RGS22: variants seen among roughly 807,000 people sequenced by gnomAD.
The protein encoded by RGS22 is regulator of G protein signaling 22.
In RGS22, 148 loss-of-function variants were observed where a neutral mutation model predicts 172.9. That is an observed-to-expected ratio of 0.86 (90% confidence interval 0.75 to 0.98). The LOEUF is 0.98. Ranked by LOEUF, RGS22 falls within the 50% of genes least tolerant of loss-of-function variation. RGS22 has a pLI of 0.00. For synonymous variants in RGS22, 458 were observed against 480.2 expected (o/e 0.95, Z 0.60); for missense variants, 1,347 against 1,440.8 (o/e 0.93, Z 1.05).
Position 100,082,002 on chromosome 8 carries a change from T to C in RGS22, c.118-1647A>G, listed in dbSNP as rs1811799461. ...TCCAACGCAAAGAATGTTAACTAGT[T>C]AGTTCAATGGATAAATAAAACATTT... On this transcript the variant is annotated intron_variant, in intron 3 of 27. Transcript: ENST00000360863. Among the ~76,000 whole-genome samples the C allele has an allele frequency of 2.6e-5, 4 of 151,960 alleles. No homozygotes were observed. In the South Asian group the frequency reaches 8.3e-4, roughly 32 times the overall value.
At position 100,001,204 on chromosome 8, in the gene RGS22, A is replaced by ATATATATATATG. The variant is rs1264992859; in HGVS notation, c.2790+997_2790+998insCATATATATATA. Among the ~76,000 whole-genome samples the ATATATATATATG allele has an allele frequency of 7.1e-3, 950 of 133,416 alleles. 15 individuals are homozygous for ATATATATATATG. The highest frequency in any genetic ancestry group is 0.026 in the African/African-American group (906 of 35,254). 87.5% of individuals were successfully genotyped at this position (133,416 alleles called of 152,430 possible). ...ACCTACCGCTGAATCCCAATTTTTT[A>ATATATATATATG]TATATATATATATATACATATATAT... On this transcript the variant is annotated intron_variant, in intron 18 of 27. Transcript: ENST00000360863.
At chr8:100,036,691 TG>T (rs537224247) in intron 14 of RGS22, among the ~76,000 whole-genome samples, 1 of 152,288 alleles carries the variant, frequency 6.6e-6, no homozygotes, top group South Asian at 2.1e-4. Flanking sequence ...CTTGAACTCC[TG>T]GGCTCAAGCG....
chr8:100,033,697 A>T (rs1819108931), intron 14 of RGS22, among the ~76,000 whole-genome samples: 1 of 151,728 alleles, frequency 6.6e-6, no homozygotes, highest in Non-Finnish European at 1.5e-5. Context: ...CTCTGACATC[A>T]ATGCGAAAAT....
rs75330957 is a variant in RGS22 at position 99,981,975 on chromosome 8, G to C, written c.3322C>G (p.Arg1108Gly). 2.1e-4 allele frequency: 331 copies of C among 1,613,660 alleles called. 3 individuals are homozygous for C. In the East Asian group the frequency reaches 7.3e-3, roughly 35 times the overall value. Residue 1108 changes from arginine to glycine, a missense_variant, in exon 22 of 28, where the codon CGG (arginine) becomes GGG (glycine). Coordinates refer to ENST00000360863, the MANE Select transcript of RGS22 (RefSeq NM_015668.5). Reference sequence around the variant, plus strand: ...AATACATATGGTCCTAACTCCTTCCGGTGTTCAATAATCTTCTGGGCTTGC... The same window carrying C: ...AATACATATGGTCCTAACTCCTTCCCGTGTTCAATAATCTTCTGGGCTTGC... The part of the protein sequence containing the change: ...VEQAQKIIEH[R>G]KELGPYVFRE...
intron 4 of RGS22, among the ~76,000 whole-genome samples, chr8:100,076,314 T>C (rs1811345250): frequency 6.6e-6 from 1 of 152,210 alleles, no homozygotes; most frequent in Admixed American, 6.5e-5. Flanking sequence ...ACCTGTATTA[T>C]CTTCTTAAAT....
intron 14 of RGS22, among the ~76,000 whole-genome samples, chr8:100,035,428 GAAT>G (rs1819336741): frequency 6.6e-6 from 1 of 152,198 alleles, no homozygotes; most frequent in African/African-American, 2.4e-5. Flanking sequence ...ACGCCAGTTA[GAAT>G]GGCGTTCATT....
intron 2 of RGS22, among the ~76,000 whole-genome samples, chr8:100,101,871 CAAAA>C (rs550771464): frequency 1.5e-5 from 2 of 135,734 alleles, no homozygotes; most frequent in South Asian, 5.0e-4. Context: ...AGCACGAAAC[CAAAA>C]AAAAAAACTA....
In RGS22 at chr8:100,063,407, T is replaced by A. The variant is rs756608265; in HGVS notation, c.1352+9A>T. 1.3e-6 allele frequency: 2 copies of A among 1,499,586 alleles called. No homozygotes were observed. Among genetic ancestry groups the A allele is most frequent in the Non-Finnish European group, 1.8e-6 (2 of 1,122,424 alleles). 92.9% of individuals were successfully genotyped at this position (1,499,586 alleles called of 1,614,324 possible). ...TTAAAACTATTGAAAAATAAAAAAA[T>A]AGAATTACCTTTGATGTCTTCCAGG... On this transcript the variant is annotated intron_variant, in intron 8 of 27. Coordinates refer to ENST00000360863, the MANE Select transcript of RGS22 (RefSeq NM_015668.5).
Position 100,052,956 on chromosome 8 carries a change from G to A in RGS22, c.1535C>T (p.Thr512Ile). ...AGCATATTTTGTTGAGGCTGAATGA[G>A]TAACACAGAATCTTGGTGCCCTGTT... ...LLYWAPRFCV[T>I]HSASTKYASA... Residue 512 changes from threonine to isoleucine, a missense_variant, in exon 10 of 28, where the codon ACT becomes ATT. Thr to Ile is a moderately conservative substitution (Grantham distance 89). Transcript: ENST00000360863. 6.2e-7 allele frequency: 1 copy of A among 1,613,906 alleles called. No homozygotes were observed.
chr8:99,968,721 G>T (rs1811017106), intron 23 of RGS22, among the ~76,000 whole-genome samples: 1 of 152,100 alleles, frequency 6.6e-6, no homozygotes, highest in African/African-American at 2.4e-5. Context: ...CAAGAAATAT[G>T]GGACTATGTG....
Position 100,089,211 on chromosome 8 carries a change from A to AACACACACAC in RGS22, c.117+4226_117+4235dup, listed in dbSNP as rs58302018. ...GATACACGAGATACACACACACACA[A>AACACACACAC]ACACACACACACACACACACACACG... On this transcript the variant is annotated intron_variant, in intron 3 of 27. Transcript: ENST00000360863. Among the ~76,000 whole-genome samples, 930 of 144,590 alleles carry AACACACACAC rather than the reference A, an allele frequency of 6.4e-3. 7 individuals are homozygous for AACACACACAC. Among genetic ancestry groups the AACACACACAC allele is most frequent in the African/African-American group, 0.021 (853 of 39,934 alleles). The allele number at this position is 144,590 out of a possible 152,430, so 94.9% of individuals were successfully genotyped here.
In RGS22 at chr8:99,962,477, A is replaced by G. The variant is rs191214715; in HGVS notation, c.3791-34T>C. ...GACATGAAGTTTTATGTATATATTT[A>G]GTCTTTCCTCCTTAGCAGAGGAGAG... On this transcript the variant is annotated intron_variant, in intron 26 of 27. Coordinates refer to ENST00000360863, the MANE Select transcript of RGS22 (RefSeq NM_015668.5). The G allele has an allele frequency of 2.5e-3, 3,939 of 1,606,434 alleles. 4 individuals are homozygous for G. Among genetic ancestry groups the G allele is most frequent in the Non-Finnish European group, 3.2e-3 (3,735 of 1,173,298 alleles).
chr8:100,051,586 C>T (rs7820013), intron 10 of RGS22, among the ~76,000 whole-genome samples: 4 of 55,820 alleles, frequency 7.2e-5, no homozygotes, highest in South Asian at 6.0e-4. Context: ...TATGTTTATA[C>T]ATATATAAAT....
At chr8:100,045,126 TAGTC>T (rs1197906608) in intron 11 of RGS22, among the ~76,000 whole-genome samples, 2 of 151,196 alleles carry the variant, frequency 1.3e-5, no homozygotes, top group Admixed American at 6.6e-5. Context: ...AAAAAAAAAT[TAGTC>T]AGGCATGGTG....
chr8:100,034,536 C>T lies in RGS22; in HGVS notation c.2166+4395G>A, dbSNP rs1362701922. On this transcript the variant is annotated intron_variant, in intron 14 of 27. Coordinates refer to ENST00000360863, the MANE Select transcript of RGS22 (RefSeq NM_015668.5). Reference sequence around the variant, plus strand: ...AATCAATATTGTGAAAATGGCCATACTGTCCAAGGTAATTTATAGATTCAA... The same window carrying T: ...AATCAATATTGTGAAAATGGCCATATTGTCCAAGGTAATTTATAGATTCAA... 5.9e-5 allele frequency among the ~76,000 whole-genome samples: 9 copies of T among 152,290 alleles called. No homozygotes were observed. In the South Asian group the frequency reaches 6.2e-4, roughly 11 times the overall value.
intron 14 of RGS22, among the ~76,000 whole-genome samples, chr8:100,037,492 T>C (rs568931337): frequency 6.4e-4 from 97 of 152,246 alleles, no homozygotes; most frequent in African/African-American, 2.2e-3. Flanking sequence ...ATAAAAACCT[T>C]ACAGACCTCG....
intron 14 of RGS22, among the ~76,000 whole-genome samples, chr8:100,022,899 T>C (rs1256022653): frequency 1.3e-5 from 2 of 152,254 alleles, no homozygotes; most frequent in East Asian, 3.9e-4. Context: ...GGCTAATTTT[T>C]GTATTTTTTT....
chr8:100,098,030 C>T (rs1230413743), intron 2 of RGS22, among the ~76,000 whole-genome samples: 1 of 152,216 alleles, frequency 6.6e-6, no homozygotes, highest in Non-Finnish European at 1.5e-5. Flanking sequence ...TTGGCACATG[C>T]TGATTATTCT....
At chr8:99,976,390 C>G (rs199602715) in intron 23 of RGS22, among the ~76,000 whole-genome samples, 2 of 152,094 alleles carry the variant, frequency 1.3e-5, no homozygotes, top group African/African-American at 2.4e-5. Flanking sequence ...GAGACGGAGT[C>G]TTGCTCTGTT....
Sources: gnomAD v4.1 joint callset for allele counts (sites outside exome capture counted in the v4.1 genomes callset) on GRCh38, gnomAD v4.1.1 for gene constraint, MANE v1.5 for transcripts, NCBI Gene and HGNC (gene_info 2026-07-23, HGNC 2026-07-21) for gene names.